The following BMPER variants were observed in gnomAD, a reference collection of about 807,000 sequenced individuals.
BMPER encodes BMP binding endothelial regulator, also known as BMP-binding endothelial regulator protein.
BMPER carries 45 observed loss-of-function variants against 87.3 expected under a neutral mutation model. That is an observed-to-expected ratio of 0.52 (90% CI 0.41 to 0.66). BMPER has a LOEUF of 0.66. Ranked by LOEUF, BMPER falls within the 30% of genes least tolerant of loss-of-function variation. The pLI is 0.00. For missense variants in BMPER, 784 were observed against 867.5 expected (o/e 0.90, Z 1.21); for synonymous variants, 326 against 316.2 (o/e 1.03, Z -0.33).
In BMPER at chr7:34,065,041, T is replaced by G. The variant is rs114445784; in HGVS notation, c.1078+2994T>G. On this transcript the variant is annotated intron_variant, in intron 11 of 14. Coordinates refer to ENST00000649409, the MANE Select transcript of BMPER (RefSeq NM_001365308.1). ...ACATTTTTTCCTCCTTTGTAAATTA[T>G]GAAAGCTCTCTTAATATACAGATTT... is the stretch of plus-strand genomic sequence containing the variant. 8.9e-3 allele frequency among the ~76,000 whole-genome samples: 1,356 copies of G among 152,322 alleles called. 15 individuals carry two copies. The highest frequency in any genetic ancestry group is 0.03 in the African/African-American group (1,266 of 41,556).
intron 2 of BMPER, among the ~76,000 whole-genome samples, chr7:33,925,524 TG>T (rs1784337418): frequency 6.6e-6 from 1 of 152,184 alleles, no homozygotes; most frequent in African/African-American, 2.4e-5. Flanking sequence ...TTACCACTCA[TG>T]GTGGACTTGG....
At chr7:34,141,454 A>G (rs1294553097) in intron 13 of BMPER, among the ~76,000 whole-genome samples, 2 of 151,950 alleles carry the variant, frequency 1.3e-5, no homozygotes, top group Non-Finnish European at 2.9e-5. Context: ...TACCAAAAAT[A>G]CAAAAAATTA....
chr7:34,028,920 G>A (rs964705920), intron 6 of BMPER, among the ~76,000 whole-genome samples: 17 of 151,898 alleles, frequency 1.1e-4, no homozygotes, highest in African/African-American at 4.1e-4. Flanking sequence ...TAGGCTGAAC[G>A]ATTCTACATG....
chr7:34,054,210 A>G (rs560835689), intron 8 of BMPER, among the ~76,000 whole-genome samples: 1 of 152,156 alleles, frequency 6.6e-6, no homozygotes, highest in Non-Finnish European at 1.5e-5. Context: ...CTGTATTTGT[A>G]TTCTCATTGC....
chr7:33,939,881 A>C (rs569910995), intron 3 of BMPER: 1 of 211,806 alleles, frequency 4.7e-6, no homozygotes, highest in African/African-American at 2.3e-5. Flanking sequence ...AGTGAGTCTG[A>C]CTTTTCAGGG....
At chr7:34,099,842 T>G (rs1429810190) in intron 13 of BMPER, among the ~76,000 whole-genome samples, 2 of 152,176 alleles carry the variant, frequency 1.3e-5, no homozygotes, top group African/African-American at 4.8e-5. Flanking sequence ...TGTTCTCAAT[T>G]GATGTGTTAT....
chr7:34,136,521 C>T (rs1318707327), intron 13 of BMPER, among the ~76,000 whole-genome samples: 4 of 152,192 alleles, frequency 2.6e-5, no homozygotes, highest in Non-Finnish European at 5.9e-5. Flanking sequence ...GCTAACCACA[C>T]TTCTGCTCAC....
At chr7:33,949,655 G>A (rs1784972670) in intron 3 of BMPER, among the ~76,000 whole-genome samples, 1 of 151,522 alleles carries the variant, frequency 6.6e-6, no homozygotes, top group Non-Finnish European at 1.5e-5. Context: ...CATGCTTCTT[G>A]ATGAAAGTTG....
At chr7:34,100,713 T>C (rs1409222889) in intron 13 of BMPER, among the ~76,000 whole-genome samples, 1 of 152,226 alleles carries the variant, frequency 6.6e-6, no homozygotes, top group African/African-American at 2.4e-5. Context: ...CTGGACTCAT[T>C]ATATCTGGTG....
chr7:33,939,895 C>A, intron 3 of BMPER: 1 of 222,696 alleles, frequency 4.5e-6, no homozygotes, highest in Non-Finnish European at 1.1e-5. Context: ...TTCAGGGGCC[C>A]TGGGGTGGAT....
At chr7:34,084,237 G>T (rs1419661660) in intron 12 of BMPER, among the ~76,000 whole-genome samples, 2 of 152,152 alleles carry the variant, frequency 1.3e-5, no homozygotes, top group African/African-American at 4.8e-5. Context: ...GGAGGTGGAG[G>T]TTGCAGTTAG....
In BMPER at chr7:33,970,425, G is replaced by A. The variant is rs370693886; in HGVS notation, c.493+6G>A. On this transcript the variant is annotated splice_donor_region_variant and intron_variant, in intron 5 of 14. Coordinates refer to ENST00000649409, the MANE Select transcript of BMPER (RefSeq NM_001365308.1). ...GTGCTGCCCCACATGTCCAGGTAACGTTCTCAGGAAGGGGAGGCTGGAAAT... is the reference window on the plus strand; with the variant it reads ...GTGCTGCCCCACATGTCCAGGTAACATTCTCAGGAAGGGGAGGCTGGAAAT... 6.2e-6 allele frequency: 10 copies of A among 1,612,936 alleles called. No homozygotes were observed. Among genetic ancestry groups the A allele is most frequent in the African/African-American group, 4.0e-5 (3 of 74,842 alleles).
intron 9 of BMPER, 133 bp from the exon 10 acceptor site, chr7:34,057,926 G>A: frequency 2.7e-6 from 2 of 738,920 alleles, no homozygotes; most frequent in Non-Finnish European, 4.8e-6. Flanking sequence ...ACAGACACCT[G>A]AGTCATTTAG....
At chr7:33,974,914 G>A (rs1369517217) in intron 6 of BMPER, 130 bp downstream of exon 6, 13 of 914,114 alleles carry the variant, frequency 1.4e-5, no homozygotes, top group African/African-American at 9.8e-5. Flanking sequence ...CCCTCCTGAT[G>A]TGGAGCCGAG....
At chr7:34,063,792 C>A (rs777231569) in intron 11 of BMPER, among the ~76,000 whole-genome samples, 2 of 152,252 alleles carry the variant, frequency 1.3e-5, no homozygotes, top group South Asian at 4.1e-4. Flanking sequence ...AGAGTCTACA[C>A]TGATGAAGTT....
chr7:34,090,521 C>T lies in BMPER; in HGVS notation c.1745+4429C>T, dbSNP rs564730970. 5.3e-5 allele frequency among the ~76,000 whole-genome samples: 8 copies of T among 152,246 alleles called. No homozygotes were observed. In the East Asian group the frequency reaches 5.8e-4, roughly 11 times the overall value. ...GCAGCCAGTATCAAACCTACCTTCC[C>T]GCTGTGGACTTAGGCCACAGGATAG... On this transcript the variant is annotated intron_variant, in intron 13 of 14. Coordinates refer to ENST00000649409, the MANE Select transcript of BMPER (RefSeq NM_001365308.1).
chr7:34,042,929 A>G (rs981957894), intron 6 of BMPER: 2 of 152,190 alleles, frequency 1.3e-5, no homozygotes, highest in African/African-American at 4.8e-5. Flanking sequence ...AGAAAGATGG[A>G]GGAGGTTACT....
intron 6 of BMPER, among the ~76,000 whole-genome samples, chr7:34,037,659 G>A (rs1037992257): frequency 2.6e-5 from 4 of 152,182 alleles, no homozygotes; most frequent in East Asian, 1.9e-4. Context: ...CTGGCATAGC[G>A]CCCCTGAAAA....
rs368716941 is a variant in BMPER at position 33,966,512 on chromosome 7, C to T, written c.353C>T (p.Ser118Phe). 1.7e-5 allele frequency: 27 copies of T among 1,613,830 alleles called. No homozygotes were observed. The highest frequency in any genetic ancestry group is 2.2e-5 in the East Asian group (1 of 44,870). Residue 118 changes from serine (S) to phenylalanine (F), a missense_variant, in exon 4 of 15, where the codon TCC becomes TTC. Physicochemically the swap from Ser to Phe is radical, Grantham distance 155. Transcript: ENST00000649409. ...TATGAAGGAAATACCTATAACAGCT[C>T]CTTCAAATGGCAGAGCCCGGCTGAG... ...CTYEGNTYNS[S>F]FKWQSPAEPC...
Sources: gnomAD v4.1 joint callset for allele counts (sites outside exome capture counted in the v4.1 genomes callset) on GRCh38, gnomAD v4.1.1 for gene constraint, MANE v1.5 for transcripts, NCBI Gene and HGNC (gene_info 2026-07-23, HGNC 2026-07-21) for gene names.